Variants in ABTB3 observed in about 807,000 individuals in gnomAD.
The protein encoded by ABTB3 is ankyrin repeat- and BTB/POZ domain-containing protein 3.
chr12:107,631,279 T>C, the ABTB3 span, among the ~76,000 whole-genome samples: 1 of 152,326 alleles, frequency 6.6e-6, no homozygotes, highest in East Asian at 1.9e-4. Flanking sequence ...AAGGACATGA[T>C]TTCATTCATT....
the ABTB3 span, among the ~76,000 whole-genome samples, chr12:107,566,636 A>G: frequency 7.1e-6 from 1 of 140,408 alleles, no homozygotes. Flanking sequence ...AGCTTTCATC[A>G]TCTAATTTAA....
At chr12:107,577,084 A>C in the ABTB3 span, among the ~76,000 whole-genome samples, 1 of 152,208 alleles carries the variant, frequency 6.6e-6, no homozygotes, top group South Asian at 2.1e-4. Context: ...TTGTAAGTAA[A>C]GTTGTATTGG....
At chr12:107,643,418 AAAAAAAAAG>A in the ABTB3 span, among the ~76,000 whole-genome samples, 3 of 151,402 alleles carry the variant, frequency 2.0e-5, no homozygotes, top group African/African-American at 7.3e-5. Flanking sequence ...AAAAAAAAAA[AAAAAAAAAG>A]GTTTCCAAAG....
the ABTB3 span, among the ~76,000 whole-genome samples, chr12:107,459,502 A>C: frequency 1.3e-5 from 2 of 152,214 alleles, no homozygotes; most frequent in African/African-American, 4.8e-5. Flanking sequence ...GAAAAAAATG[A>C]AGCAGGGAGT....
chr12:107,563,613 G>A, the ABTB3 span, among the ~76,000 whole-genome samples: 1 of 152,150 alleles, frequency 6.6e-6, no homozygotes, highest in African/African-American at 2.4e-5. Flanking sequence ...ATTGGGCATT[G>A]TGCACAGAGT....
chr12:107,619,834 G>A, the ABTB3 span: 267 of 700,918 alleles, frequency 3.8e-4, no homozygotes, highest in Admixed American at 1.5e-3. Flanking sequence ...TCTGTTCGTT[G>A]AAAGTCAATC....
chr12:107,585,572 C>T, the ABTB3 span, among the ~76,000 whole-genome samples: 15 of 152,198 alleles, frequency 9.9e-5, no homozygotes, highest in Non-Finnish European at 1.8e-4. Flanking sequence ...GCTGGGGAAA[C>T]TTGGCGGGGG....
chr12:107,567,259 G>A, the ABTB3 span, among the ~76,000 whole-genome samples: 5 of 152,240 alleles, frequency 3.3e-5, no homozygotes, highest in South Asian at 1.0e-3. Flanking sequence ...GCCCTTGCGG[G>A]TATAGGAATC....
the ABTB3 span, among the ~76,000 whole-genome samples, chr12:107,335,599 G>T: frequency 6.6e-6 from 1 of 152,138 alleles, no homozygotes. Flanking sequence ...ATAAGATGTA[G>T]AGTTTGAAGA....
the ABTB3 span, chr12:107,580,843 G>A: frequency 6.5e-7 from 1 of 1,541,394 alleles, no homozygotes. Flanking sequence ...ATCGCCGAGA[G>A]GGATAATATT....
chr12:107,497,744 C>T, the ABTB3 span, among the ~76,000 whole-genome samples: 1 of 152,206 alleles, frequency 6.6e-6, no homozygotes, highest in Non-Finnish European at 1.5e-5. Context: ...TTCTTATTCT[C>T]TAAATCCCCA....
the ABTB3 span, among the ~76,000 whole-genome samples, chr12:107,652,088 G>A: frequency 6.6e-6 from 1 of 152,264 alleles, no homozygotes; most frequent in Non-Finnish European, 1.5e-5. Flanking sequence ...GCTGGGATGG[G>A]CCCTGTTTGG....
chr12:107,354,530 T>C, the ABTB3 span, among the ~76,000 whole-genome samples: 1 of 152,242 alleles, frequency 6.6e-6, no homozygotes, highest in Non-Finnish European at 1.5e-5. Context: ...CTTCTTTCAC[T>C]GATCATAATG....
chr12:107,642,664 A>G, the ABTB3 span, among the ~76,000 whole-genome samples: 2 of 152,152 alleles, frequency 1.3e-5, no homozygotes, highest in Non-Finnish European at 2.9e-5. Context: ...AGAGAACAGC[A>G]TGTGCGAAGT....
chr12:107,575,389 G>C, the ABTB3 span, among the ~76,000 whole-genome samples: 3 of 151,992 alleles, frequency 2.0e-5, no homozygotes, highest in African/African-American at 7.3e-5. Flanking sequence ...TCGGTACCAG[G>C]CGCCACGCTA....
chr12:107,351,283 G>A, the ABTB3 span, among the ~76,000 whole-genome samples: 1 of 152,180 alleles, frequency 6.6e-6, no homozygotes, highest in Non-Finnish European at 1.5e-5. Context: ...TTTGCTGAGG[G>A]CACTGGCTTA....
At chr12:107,481,883 G>GTCAGTCTCTCTCTCTCTC in the ABTB3 span, among the ~76,000 whole-genome samples, 1 of 108,242 alleles carries the variant, frequency 9.2e-6, no homozygotes, top group African/African-American at 3.6e-5. Context: ...GAAATCAAGA[G>GTCAGTCTCTCTCTCTCTC]TCTCTCTCTC....
the ABTB3 span, among the ~76,000 whole-genome samples, chr12:107,568,773 A>C: frequency 6.6e-6 from 1 of 152,198 alleles, no homozygotes; most frequent in African/African-American, 2.4e-5. Context: ...CTATTATTTT[A>C]AGCTAGAAGA....
chr12:107,613,217 A>G, the ABTB3 span, among the ~76,000 whole-genome samples: 1 of 152,186 alleles, frequency 6.6e-6, no homozygotes, highest in Non-Finnish European at 1.5e-5. Flanking sequence ...AGGATGGGGC[A>G]GAAGGAGCAC....
Sources: gnomAD v4.1 joint callset for allele counts (sites outside exome capture counted in the v4.1 genomes callset) on GRCh38, gnomAD v4.1.1 for gene constraint, MANE v1.5 for transcripts, NCBI Gene and HGNC (gene_info 2026-07-23, HGNC 2026-07-21) for gene names.